Variants in DCAKD observed in about 807,000 individuals in gnomAD.
DCAKD encodes the protein dephospho-CoA kinase domain containing.
In DCAKD, 15 loss-of-function variants were observed where a neutral mutation model predicts 18.7. That is an observed-to-expected ratio of 0.80 (90% CI 0.54 to 1.24). The LOEUF (loss-of-function observed/expected upper bound fraction) is 1.24, where lower values mean the gene tolerates loss of function less well. DCAKD is among the 50% of genes most tolerant of loss of function. The pLI, the probability that DCAKD is intolerant of heterozygous loss-of-function variation, is 0.00. For synonymous variants in DCAKD, 130 were observed against 133.0 expected, an observed-to-expected ratio of 0.98 and a Z score of 0.16; for missense variants, 301 against 322.0, an observed-to-expected ratio of 0.93 and a Z score of 0.50.
chr17:45,052,122 C>T (rs1207866090), upstream of DCAKD, among the ~76,000 whole-genome samples: 2 of 150,722 alleles, frequency 1.3e-5, no homozygotes. Flanking sequence ...CGGGAGAGGC[C>T]GGCGGGGAGA....
intron 3 of DCAKD, among the ~76,000 whole-genome samples, chr17:45,033,644 T>C (rs1250530105): frequency 6.6e-6 from 1 of 152,150 alleles, no homozygotes; most frequent in Non-Finnish European, 1.5e-5. Context: ...TTTGTATTTT[T>C]AGTAGGGACG....
intron 1 of DCAKD, among the ~76,000 whole-genome samples, chr17:45,049,855 G>C (rs2053653647): frequency 1.3e-5 from 2 of 150,664 alleles, no homozygotes; most frequent in Non-Finnish European, 2.9e-5. Flanking sequence ...GAGTAGCTGG[G>C]ATTGCAGGCA....
In DCAKD at chr17:45,024,277, C is replaced by G. The variant is rs758411094; in HGVS notation, c.*156G>C. The G allele has an allele frequency of 1.0e-6, 1 of 976,348 alleles. No homozygotes were observed. Among genetic ancestry groups the G allele is most frequent in the African/African-American group, 1.7e-5 (1 of 59,760 alleles). 60.5% of individuals were successfully genotyped at this position (976,348 alleles called of 1,614,324 possible). A position where few individuals can be genotyped will look rare whatever the true frequency, so the allele number is the denominator to read the frequency against. ...CTGGCACAGAGGCCCAGCCCTGATT[C>G]GGAGAGTCCGTGTGTGTGTGTGTGT... On this transcript the variant is annotated 3_prime_UTR_variant, in exon 5 of 5. Transcript: ENST00000651974.
At chr17:45,041,412 G>A (rs1297426618) in intron 1 of DCAKD, among the ~76,000 whole-genome samples, 2 of 151,446 alleles carry the variant, frequency 1.3e-5, no homozygotes, top group African/African-American at 2.4e-5. Flanking sequence ...CCGGGTTCAC[G>A]CCATTCTGCT....
chr17:45,036,651 C>A (rs1162043462), intron 1 of DCAKD, among the ~76,000 whole-genome samples: 1 of 151,582 alleles, frequency 6.6e-6, no homozygotes, highest in Non-Finnish European at 1.5e-5. Flanking sequence ...CACTGCAAGG[C>A]ATAGAAAGGA....
At chr17:45,056,458 C>A (rs1451951671), upstream of DCAKD, among the ~76,000 whole-genome samples, 1 of 150,324 alleles carries the variant, frequency 6.7e-6, no homozygotes, top group Non-Finnish European at 1.5e-5. Flanking sequence ...CACACTCTGC[C>A]TGCACTCTTT....
chr17:45,038,711 C>T (rs2053360792), intron 1 of DCAKD, among the ~76,000 whole-genome samples: 1 of 152,166 alleles, frequency 6.6e-6, no homozygotes, highest in Admixed American at 6.6e-5. Flanking sequence ...AATGAGTATC[C>T]TCCCTTCTCA....
chr17:45,034,093 C>T, intron 3 of DCAKD, 94 bp downstream of exon 3: 1 of 1,602,768 alleles, frequency 6.2e-7, no homozygotes. Context: ...GCTGGGATAA[C>T]CAGCTCCCCT....
chr17:45,042,791 G>A (rs2053471262), intron 1 of DCAKD, among the ~76,000 whole-genome samples: 1 of 152,278 alleles, frequency 6.6e-6, no homozygotes, highest in African/African-American at 2.4e-5. Context: ...CCATTAAGCC[G>A]CCACCTCCTC....
At chr17:45,054,707 G>A (rs1170876021), upstream of DCAKD, among the ~76,000 whole-genome samples, 1 of 152,086 alleles carries the variant, frequency 6.6e-6, no homozygotes, top group Non-Finnish European at 1.5e-5. Context: ...ATCAAACAAT[G>A]TATAGCTAAC....
At chr17:45,047,958 G>A (rs1446447900) in intron 1 of DCAKD, among the ~76,000 whole-genome samples, 3 of 152,100 alleles carry the variant, frequency 2.0e-5, no homozygotes, top group South Asian at 4.1e-4. Context: ...TATCAATTGT[G>A]TATTTTATAA....
chr17:45,038,933 C>T (rs1015089198), intron 1 of DCAKD, among the ~76,000 whole-genome samples: 5 of 152,342 alleles, frequency 3.3e-5, no homozygotes, highest in Non-Finnish European at 7.3e-5. Context: ...TCTGCAGGAA[C>T]GGTGCCAGGG....
upstream of DCAKD, among the ~76,000 whole-genome samples, chr17:45,055,228 C>T (rs2053767945): frequency 6.6e-6 from 1 of 152,206 alleles, no homozygotes; most frequent in South Asian, 2.1e-4. Flanking sequence ...GCCTGCATCT[C>T]AGTCACCTCT....
intron 1 of DCAKD, among the ~76,000 whole-genome samples, chr17:45,058,008 CAAAAAAAAA>C (rs1183133616): frequency 2.1e-4 from 6 of 29,002 alleles, no homozygotes; most frequent in South Asian, 2.0e-3. Context: ...GATTCCGTCT[CAAAAAAAAA>C]AAAAAAAAAA....
chr17:45,036,160 C>T (rs1371398909), intron 1 of DCAKD, among the ~76,000 whole-genome samples: 7 of 152,172 alleles, frequency 4.6e-5, no homozygotes, highest in African/African-American at 7.2e-5. Context: ...GCTGCAACCC[C>T]GGGCAAGCCG....
intron 1 of DCAKD, among the ~76,000 whole-genome samples, chr17:45,058,645 C>G (rs1314734728): frequency 6.6e-6 from 1 of 151,588 alleles, no homozygotes; most frequent in Non-Finnish European, 1.5e-5. Flanking sequence ...TGGTCTCGAA[C>G]TCCTGACCTC....
At chr17:45,034,428 C>T in intron 2 of DCAKD, 38 bp from the exon 3 acceptor site, 1 of 1,609,712 alleles carries the variant, frequency 6.2e-7, no homozygotes, top group Non-Finnish European at 8.5e-7. Context: ...CTCCCTGAAG[C>T]CTCAGGGCCA....
chr17:45,039,693 A>G (rs2053383412), intron 1 of DCAKD, among the ~76,000 whole-genome samples: 1 of 152,138 alleles, frequency 6.6e-6, no homozygotes, highest in African/African-American at 2.4e-5. Flanking sequence ...CAGTCCCCAC[A>G]CTTGTGAGTG....
chr17:45,037,895 T>G (rs6503411), intron 1 of DCAKD, among the ~76,000 whole-genome samples: 33,239 of 150,894 alleles, frequency 0.22, 4,168 homozygotes, highest in African/African-American at 0.33. Flanking sequence ...AACTCCCGAA[T>G]AGCTGGGATT....
Sources: allele counts gnomAD v4.1 joint callset (sites outside exome capture counted in the v4.1 genomes callset), GRCh38; gene constraint gnomAD v4.1.1; transcripts MANE v1.5; gene names NCBI Gene and HGNC (gene_info 2026-07-23, HGNC 2026-07-21).